Variants in COLEC10 observed in about 807,000 individuals in gnomAD.
The protein encoded by COLEC10 is collectin subfamily member 10, also known as collectin-10.
In COLEC10, 22 loss-of-function variants were observed where a neutral mutation model predicts 28.4. The observed-to-expected ratio is 0.78, with a 90% confidence interval of 0.55 to 1.11. COLEC10 has a LOEUF of 1.11. Among genes scored for constraint, COLEC10 ranks in the 50% least tolerant of loss-of-function variants. The pLI is 0.00. For synonymous variants in COLEC10, 125 were observed against 116.1 expected, an observed-to-expected ratio of 1.08 and a Z score of -0.49; for missense variants, 361 against 344.1, an observed-to-expected ratio of 1.05 and a Z score of -0.39.
intron 2 of COLEC10, among the ~76,000 whole-genome samples, chr8:119,022,850 C>T (rs1362844438): frequency 6.6e-6 from 1 of 152,120 alleles, no homozygotes. Flanking sequence ...ATGCCAAGAT[C>T]TTGAAAATCT....
chr8:119,032,353 T>C (rs76083120), intron 2 of COLEC10, among the ~76,000 whole-genome samples: 6,684 of 152,262 alleles, frequency 0.044, 213 homozygotes, highest in East Asian at 0.16. Context: ...CTGGTAGTGA[T>C]TCTGAGTGCA....
upstream of COLEC10, among the ~76,000 whole-genome samples, chr8:119,064,370 A>G (rs1018514757): frequency 2.6e-5 from 4 of 152,196 alleles, no homozygotes; most frequent in African/African-American, 9.7e-5. Flanking sequence ...GTTACCAGTT[A>G]ATTTCTATAT....
chr8:118,981,814 A>G, the COLEC10 span, among the ~76,000 whole-genome samples: 1 of 152,106 alleles, frequency 6.6e-6, no homozygotes, highest in Non-Finnish European at 1.5e-5. Context: ...GGGATAAGAA[A>G]ACATTTAAGA....
chr8:119,062,550 G>T (rs1230286279), upstream of COLEC10, among the ~76,000 whole-genome samples: 1 of 151,730 alleles, frequency 6.6e-6, no homozygotes, highest in East Asian at 1.9e-4. Context: ...CATGATCTTG[G>T]CTCACTGCGA....
At chr8:119,014,001 C>T (rs567245654) in intron 2 of COLEC10, among the ~76,000 whole-genome samples, 1 of 150,538 alleles carries the variant, frequency 6.6e-6, no homozygotes, top group African/African-American at 2.5e-5. Context: ...TATTATTGCT[C>T]TCATTAATAT....
At chr8:119,065,934 T>C (rs562692420), upstream of COLEC10, among the ~76,000 whole-genome samples, 1 of 152,194 alleles carries the variant, frequency 6.6e-6, no homozygotes, top group East Asian at 1.9e-4. Flanking sequence ...TTTCCCCATC[T>C]TCCCCATAGA....
the COLEC10 span, among the ~76,000 whole-genome samples, chr8:118,971,464 A>G: frequency 1.4e-3 from 220 of 152,090 alleles, 7 homozygotes; most frequent in East Asian, 0.028. Flanking sequence ...AGCTTATTAA[A>G]TCTTCCTCAA....
At chr8:119,087,625 C>T (rs1257639449) in intron 1 of COLEC10, among the ~76,000 whole-genome samples, 1 of 152,002 alleles carries the variant, frequency 6.6e-6, no homozygotes, top group Non-Finnish European at 1.5e-5. Context: ...TCTTTTCTCC[C>T]ACTATCTTTC....
chr8:119,094,593 A>G (rs1197538011), intron 3 of COLEC10, among the ~76,000 whole-genome samples: 1 of 152,174 alleles, frequency 6.6e-6, no homozygotes, highest in Non-Finnish European at 1.5e-5. Flanking sequence ...GCAAGTGATG[A>G]ATTCTGTACT....
At chr8:119,060,136 C>A (rs1438088498) in intron 2 of COLEC10, among the ~76,000 whole-genome samples, 1 of 152,050 alleles carries the variant, frequency 6.6e-6, no homozygotes, top group East Asian at 1.9e-4. Context: ...CATGTTTATT[C>A]TCTGCTCCCT....
In COLEC10 at chr8:119,107,404, T is replaced by C. The variant is rs1306109008; in HGVS notation, c.*1213T>C. ...CCTCAAAGCAGCTTTCACTTGGAAT[T>C]TAAAAATAAACAGTTCAAAGATACT... On this transcript the variant is annotated 3_prime_UTR_variant, in exon 6 of 6. Coordinates refer to ENST00000332843, the MANE Select transcript of COLEC10 (RefSeq NM_006438.5). Among the ~76,000 whole-genome samples, 3 of 152,160 alleles carry C rather than the reference T, an allele frequency of 2.0e-5. No individual in the cohort carries two copies. The highest frequency in any genetic ancestry group is 4.4e-5 in the Non-Finnish European group (3 of 68,016).
At chr8:118,953,933 G>A in the COLEC10 span, among the ~76,000 whole-genome samples, 35 of 152,128 alleles carry the variant, frequency 2.3e-4, no homozygotes, top group African/African-American at 7.0e-4. Flanking sequence ...GTATCATAAC[G>A]GTTATTATAA....
intron 3 of COLEC10, among the ~76,000 whole-genome samples, chr8:119,092,226 C>T (rs985396264): frequency 3.3e-5 from 5 of 152,012 alleles, no homozygotes; most frequent in African/African-American, 4.8e-5. Context: ...CCCACCACCA[C>T]GCCCAGCTGA....
rs1333298370 is a variant in COLEC10, at chr8:119,106,048, T to A, written c.691T>A (p.Tyr231Asn). 1.9e-6 allele frequency: 3 copies of A among 1,613,836 alleles called. No homozygotes were observed. In the Admixed American group the frequency reaches 5.0e-5, roughly 27 times the overall value. ...CACAGACAACACTCCACTGCAGAAC[T>A]ATAGCAACTGGAATGAGGGGGAACC... Reference protein sequence around the residue: ...MFTDNTPLQNYSNWNEGEPSD... With the variant: ...MFTDNTPLQNNSNWNEGEPSD... The change falls in exon 6 of 6, where the codon TAT (tyrosine) becomes AAT (asparagine). Residue 231 changes from tyrosine (Y) to asparagine (N), a missense_variant. By Grantham distance (143) the Tyr-to-Asn change is moderately radical (BLOSUM62 -2). Transcript: ENST00000332843.
chr8:118,978,612 A>T, the COLEC10 span, among the ~76,000 whole-genome samples: 1 of 151,996 alleles, frequency 6.6e-6, no homozygotes, highest in African/African-American at 2.4e-5. Flanking sequence ...TATTACTGTA[A>T]TTTATTTATT....
At chr8:118,991,204 A>C (rs1813501242), upstream of COLEC10, among the ~76,000 whole-genome samples, 1 of 152,082 alleles carries the variant, frequency 6.6e-6, no homozygotes, top group African/African-American at 2.4e-5. Context: ...TAGTTAAGAG[A>C]CTGGGCTTAA....
chr8:118,983,224 C>T, the COLEC10 span, among the ~76,000 whole-genome samples: 2 of 152,146 alleles, frequency 1.3e-5, no homozygotes, highest in Non-Finnish European at 2.9e-5. Context: ...TTATTTCAAT[C>T]CACTCTTGTG....
intron 2 of COLEC10, among the ~76,000 whole-genome samples, chr8:119,050,978 C>T (rs1192899298): frequency 6.6e-6 from 1 of 152,076 alleles, no homozygotes; most frequent in Non-Finnish European, 1.5e-5. Context: ...TCAGGATGTA[C>T]TAGAGCAAAA....
At chr8:119,034,367 G>A (rs1024993852) in intron 2 of COLEC10, among the ~76,000 whole-genome samples, 7 of 150,210 alleles carry the variant, frequency 4.7e-5, no homozygotes, top group Admixed American at 2.7e-4. Flanking sequence ...GTATACCTAC[G>A]TAACAAACCT....
Sources: gnomAD v4.1 joint callset for allele counts (sites outside exome capture counted in the v4.1 genomes callset) on GRCh38, gnomAD v4.1.1 for gene constraint, MANE v1.5 for transcripts, NCBI Gene and HGNC (gene_info 2026-07-23, HGNC 2026-07-21) for gene names.